ZFHX3: variants seen among roughly 807,000 people sequenced by gnomAD.
The protein encoded by ZFHX3 is zinc finger homeobox protein 3.
In ZFHX3, 42 loss-of-function variants were observed where a neutral mutation model predicts 279.1. That is an observed-to-expected ratio of 0.15 (90% confidence interval 0.12 to 0.19). ZFHX3 has a LOEUF of 0.19. Ranked by LOEUF, ZFHX3 falls within the 10% of genes least tolerant of loss-of-function variation. ZFHX3 has a pLI of 1.00. For synonymous variants in ZFHX3, 2,293 were observed against 1,957.8 expected (o/e 1.17, Z -4.52); for missense variants, 4,981 against 4,754.0 (o/e 1.05, Z -1.40).
rs117718162 is a variant in ZFHX3 at position 73,573,509 on chromosome 16, G to A, written c.-1547+106671C>T. ...TAGCATATGCTTAGAATAGAAGATG[G>A]GAATGAAAGTGATCAGTGATCTTAG... On this transcript the variant is annotated intron_variant, in intron 2 of 17. Transcript: ENST00000641206. Among the ~76,000 whole-genome samples, 12 of 152,318 alleles carry A rather than the reference G, an allele frequency of 7.9e-5. No homozygotes were observed. In the East Asian group the frequency reaches 2.1e-3, roughly 27 times the overall value.
At chr16:73,012,096 C>G (rs1262143152) in intron 1 of ZFHX3, among the ~76,000 whole-genome samples, 1 of 152,182 alleles carries the variant, frequency 6.6e-6, no homozygotes, top group Non-Finnish European at 1.5e-5. Flanking sequence ...TAGAGGTACC[C>G]AAAAAGGCAG....
intron 4 of ZFHX3, among the ~76,000 whole-genome samples, chr16:72,889,108 G>A (rs2038703521): frequency 6.6e-6 from 1 of 152,070 alleles, no homozygotes; most frequent in Admixed American, 6.5e-5. Context: ...GAGATGACAT[G>A]GGGAGGTAGA....
chr16:73,605,117 C>T (rs1398266085), intron 2 of ZFHX3, among the ~76,000 whole-genome samples: 2 of 152,076 alleles, frequency 1.3e-5, no homozygotes, highest in African/African-American at 2.4e-5. Context: ...ATGATTTAGG[C>T]CTGAGAGTTT....
At position 72,793,301 on chromosome 16, in the gene ZFHX3, C is replaced by T. The variant is rs200690104; in HGVS notation, c.9381G>A (p.Pro3127=). ...ALQGIPPVLL[P]GLNSPSLPGF... is the part of the protein sequence containing the mutation. ...CTGGCAAGGAGGGGCTGTTGAGGCC[C>T]GGGAGCAACACAGGAGGAATGCCCT... is the stretch of plus-strand genomic sequence containing the variant. The change falls in exon 9 of 10, where the codon CCG becomes CCA. Residue 3127 remains proline, a synonymous_variant. Coordinates refer to ENST00000268489, the MANE Select transcript of ZFHX3 (RefSeq NM_006885.4). This position sits in a 1 kb window ranked among gnomAD's most constrained non-coding sequence, Gnocchi z 4.3. 6.9e-5 allele frequency: 111 copies of T among 1,613,860 alleles called. No individual in the cohort carries two copies. The highest frequency in any genetic ancestry group is 8.6e-5 in the Non-Finnish European group (102 of 1,179,940).
intron 1 of ZFHX3, among the ~76,000 whole-genome samples, chr16:73,819,076 C>A (rs1168166240): frequency 6.6e-6 from 1 of 152,042 alleles, no homozygotes; most frequent in Non-Finnish European, 1.5e-5. Flanking sequence ...ACGTGGGGCA[C>A]TGAGGTCAAT....
chr16:73,570,694 T>C (rs2051726409), intron 2 of ZFHX3, among the ~76,000 whole-genome samples: 1 of 152,220 alleles, frequency 6.6e-6, no homozygotes, highest in Non-Finnish European at 1.5e-5. Context: ...TTGGTTTTCA[T>C]TAACTTGCAA....
At chr16:72,877,034 C>T (rs960839230) in intron 4 of ZFHX3, among the ~76,000 whole-genome samples, 1 of 152,182 alleles carries the variant, frequency 6.6e-6, no homozygotes, top group Non-Finnish European at 1.5e-5. Context: ...TGACTGGATG[C>T]CCTGCCCCTG....
chr16:73,430,042 C>T lies in ZFHX3; in HGVS notation c.-1291+25961G>A, dbSNP rs900117745. 4.6e-5 allele frequency among the ~76,000 whole-genome samples: 7 copies of T among 152,218 alleles called. No individual in the cohort carries two copies. In the East Asian group the frequency reaches 1.4e-3, roughly 30 times the overall value. On this transcript the variant is annotated intron_variant, in intron 3 of 17. Coordinates refer to the ZFHX3 transcript ENST00000641206. ...AGCTGGGATATAACATGCACCACCACACTTGGCTAATTAAAAAAATTTTTT... is the reference window on the plus strand; with the variant it reads ...AGCTGGGATATAACATGCACCACCATACTTGGCTAATTAAAAAAATTTTTT...
intron 3 of ZFHX3, among the ~76,000 whole-genome samples, chr16:72,928,384 C>G (rs1454378241): frequency 6.6e-6 from 1 of 151,976 alleles, no homozygotes; most frequent in Non-Finnish European, 1.5e-5. Context: ...CCTTTGCTGT[C>G]CATGCATCCA....
chr16:73,539,662 C>A (rs991333611), intron 2 of ZFHX3, among the ~76,000 whole-genome samples: 1 of 152,082 alleles, frequency 6.6e-6, no homozygotes, highest in Non-Finnish European at 1.5e-5. Flanking sequence ...GCACAAGCAG[C>A]ATTACTGACC....
chr16:73,317,226 A>G (rs1253481041), intron 4 of ZFHX3, among the ~76,000 whole-genome samples: 5 of 139,082 alleles, frequency 3.6e-5, no homozygotes, highest in Admixed American at 1.5e-4. Flanking sequence ...GAAGCTCCCA[A>G]GATGAGACTT....
chr16:73,793,509 AT>A (rs779333849), intron 1 of ZFHX3, among the ~76,000 whole-genome samples: 4 of 152,246 alleles, frequency 2.6e-5, no homozygotes, highest in Non-Finnish European at 5.9e-5. Context: ...GCTCCTTGCA[AT>A]AAAAAGCACT....
intron 4 of ZFHX3, among the ~76,000 whole-genome samples, chr16:73,272,450 C>A (rs7190347): frequency 2.0e-5 from 3 of 151,884 alleles, no homozygotes; most frequent in African/African-American, 4.8e-5. Context: ...TAACTCCTGA[C>A]GCAAACTTGT....
In ZFHX3 at chr16:72,788,354, G is replaced by A. The variant is rs1214609613; in HGVS notation, c.9922C>T (p.Leu3308Phe). ...GAAAAGCCTGGTACAAAGTAAGGAA[G>A]GAACTGGCTTGTGAGCAATGCTGTG... ...DPTALLTSQF[L>F]PYFVPGFSPY... Residue 3308 changes from leucine (L) to phenylalanine (F), a missense_variant, in exon 10 of 10, where the codon CTT becomes TTT. Around this residue, in one of 7 missense-constraint regions of ZFHX3, gnomAD observed 1,034 missense variants for 786.0 expected, o/e 1.32. Transcript: ENST00000268489. 1 of 1,614,226 alleles carries A rather than the reference G, an allele frequency of 6.2e-7. No homozygotes were observed. The highest frequency in any genetic ancestry group is 8.5e-7 in the Non-Finnish European group (1 of 1,180,038).
chr16:72,959,924 G>C lies in ZFHX3; in HGVS notation c.222C>G (p.Pro74=). 6.3e-7 allele frequency: 1 copy of C among 1,599,854 alleles called. No individual in the cohort carries two copies. Among genetic ancestry groups the C allele is most frequent in the Non-Finnish European group, 8.5e-7 (1 of 1,172,440 alleles). Residue 74 remains proline, a synonymous_variant, in exon 2 of 10, where the codon CCC becomes CCG. Coordinates refer to ENST00000268489, the MANE Select transcript of ZFHX3 (RefSeq NM_006885.4). ...STASAGPPSE[P]ASKEVTCNEC... is the part of the protein sequence containing the mutation. The stretch of plus-strand genomic sequence containing the variant: ...CGTTGCAGGTGACCTCCTTGCTGGC[G>C]GGCTCGGAGGGGGGCCCGGCCGACG...
chr16:72,815,405 CAA>C (rs369741126), intron 5 of ZFHX3, among the ~76,000 whole-genome samples: 33 of 93,028 alleles, frequency 3.5e-4, no homozygotes, highest in Admixed American at 3.1e-4. Flanking sequence ...GAGACTGTCT[CAA>C]AAAAAAAAAA....
intron 4 of ZFHX3, among the ~76,000 whole-genome samples, chr16:73,281,029 G>GGAGAGGAGAC (rs1700579216): frequency 7.5e-6 from 1 of 132,592 alleles, no homozygotes; most frequent in Non-Finnish European, 1.6e-5. Flanking sequence ...GGAGAGGAGA[G>GGAGAGGAGAC]GGGAGGGGAG....
intron 2 of ZFHX3, among the ~76,000 whole-genome samples, chr16:73,517,165 G>A (rs558213570): frequency 6.6e-6 from 1 of 152,214 alleles, no homozygotes; most frequent in South Asian, 2.1e-4. Context: ...CCAAAGCGCC[G>A]TAGTGACTGT....
At chr16:72,887,054 T>C (rs1056215113) in intron 4 of ZFHX3, among the ~76,000 whole-genome samples, 1 of 152,222 alleles carries the variant, frequency 6.6e-6, no homozygotes, top group Admixed American at 6.5e-5. Context: ...AAACAATTTC[T>C]ACTGACTGTC....
Sources: gnomAD v4.1 joint callset for allele counts (sites outside exome capture counted in the v4.1 genomes callset) on GRCh38, gnomAD v4.1.1 for gene constraint, gnomAD v4.1.1 regional missense constraint, Gnocchi (gnomAD v3.1) non-coding constraint, MANE v1.5 for transcripts, NCBI Gene and HGNC (gene_info 2026-07-23, HGNC 2026-07-21) for gene names.